FBXO24: variants seen among roughly 807,000 people sequenced by gnomAD.
FBXO24 encodes the protein F-box only protein 24.
In FBXO24, 30 loss-of-function variants were observed where a neutral mutation model predicts 63.5. The ratio of observed to expected loss-of-function variants is 0.47; its 90% CI spans 0.35 to 0.64. FBXO24 has a LOEUF of 0.64. Ranked by LOEUF, FBXO24 falls within the 30% of genes least tolerant of loss-of-function variation. The probability of loss-of-function intolerance (pLI) is 0.00; values close to 1 mark genes in which losing one functional copy is unlikely to be tolerated. For synonymous variants in FBXO24, 300 were observed against 305.0 expected, an observed-to-expected ratio of 0.98 and a Z score of 0.17; for missense variants, 624 against 763.4, an observed-to-expected ratio of 0.82 and a Z score of 2.15.
intron 3 of FBXO24, 29 bp from the exon 4 acceptor site, chr7:100,591,638 T>G (rs770776992): frequency 6.2e-7 from 1 of 1,606,670 alleles, no homozygotes; most frequent in Admixed American, 1.7e-5. Context: ...TCTCATCCCT[T>G]GAACCTTCCA....
At chr7:100,593,363 G>A (rs923062078) in intron 5 of FBXO24, among the ~76,000 whole-genome samples, 15 of 151,936 alleles carry the variant, frequency 9.9e-5, no homozygotes, top group African/African-American at 2.9e-4. Flanking sequence ...CGGGTGCGGC[G>A]GCTCACACCT....
intron 1 of FBXO24, among the ~76,000 whole-genome samples, chr7:100,589,116 C>A (rs1801879535): frequency 6.6e-6 from 1 of 152,136 alleles, no homozygotes; most frequent in African/African-American, 2.4e-5. Flanking sequence ...CGGGCGTTAG[C>A]CACCGGCACC....
At position 100,586,431 on chromosome 7, in the gene FBXO24, GAGGA is replaced by G. The variant is rs1801755359; in HGVS notation, c.-194_-191del. 1.5e-6 allele frequency: 1 copy of G among 658,780 alleles called. No individual in the cohort carries two copies. The allele number at this position is 658,780 out of a possible 1,614,324, so 40.8% of individuals were successfully genotyped here. The stretch of plus-strand genomic sequence containing the variant: ...GGTGGAGCCAATCAGGTCCAACCAA[GAGGA>G]GGGGACACCGGCACTCCACTAGCAG... On this transcript the variant is annotated 5_prime_UTR_variant, in exon 1 of 10. It introduces an in-frame stop codon into an upstream open reading frame of the 5' UTR. Transcript: ENST00000241071.
At chr7:100,595,326 G>T (rs1044346026) in intron 7 of FBXO24, 103 bp downstream of exon 7, 17 of 1,568,320 alleles carry the variant, frequency 1.1e-5, no homozygotes, top group Non-Finnish European at 1.4e-5. Flanking sequence ...AGGGGCAGGG[G>T]ATCCCCAGGG....
chr7:100,588,512 G>A (rs1386350232), intron 1 of FBXO24, among the ~76,000 whole-genome samples: 1 of 152,228 alleles, frequency 6.6e-6, no homozygotes, highest in Non-Finnish European at 1.5e-5. Flanking sequence ...GTCTGGTGCA[G>A]TCAATGAACG....
Position 100,601,007 on chromosome 7 carries a change from G to A in FBXO24, c.*108G>A, listed in dbSNP as rs576069239. ...GCGTGTGGGAAGGGGTTGCTAGGGG[G>A]TGGGGACGGCTAACCAGGGTAAGAA... On this transcript the variant is annotated 3_prime_UTR_variant, in exon 10 of 10. Coordinates refer to ENST00000241071, the MANE Select transcript of FBXO24 (RefSeq NM_033506.3). 2.6e-3 allele frequency: 3,770 copies of A among 1,472,420 alleles called. 6 individuals are homozygous for A. Among genetic ancestry groups the A allele is most frequent in the Non-Finnish European group, 3.1e-3 (3,443 of 1,107,608 alleles). 91.2% of individuals were successfully genotyped at this position (1,472,420 alleles called of 1,614,324 possible). A position where few individuals can be genotyped will look rare whatever the true frequency, so the allele number is the denominator to read the frequency against.
Position 100,594,502 on chromosome 7 carries a change from T to C in FBXO24, c.913T>C (p.Cys305Arg). ...CTACCTGCCTCACCTGCGCGTGGCC[T>C]GCATGACTTCCAACCAGAGCAGCAC... is the stretch of plus-strand genomic sequence containing the variant. Reference protein sequence around the residue: ...SHYLPHLRVACMTSNQSSTLY... With the variant: ...SHYLPHLRVARMTSNQSSTLY... The change falls in exon 6 of 10, where the codon TGC (cysteine) becomes CGC (arginine). Residue 305 changes from cysteine to arginine, a missense_variant. Around this residue, in one of 3 missense-constraint regions of FBXO24, gnomAD observed 391 missense variants for 469.1 expected, o/e 0.83. Coordinates refer to ENST00000241071, the MANE Select transcript of FBXO24 (RefSeq NM_033506.3). This position sits in a 1 kb window ranked among gnomAD's most constrained non-coding sequence, Gnocchi z 4.2. 1 of 1,612,070 alleles carries C rather than the reference T, an allele frequency of 6.2e-7. No individual in the cohort carries two copies. The highest frequency in any genetic ancestry group is 1.1e-5 in the South Asian group (1 of 90,770).
In FBXO24 at chr7:100,594,367, C is replaced by T. The variant is rs1802190360; in HGVS notation, c.794-16C>T. Reference sequence around the variant, plus strand: ...GGAGAATCCCCTCCCCAACTAATTGCTTCCCCTACCCCCAGAGGAAGGAAA... The same window carrying T: ...GGAGAATCCCCTCCCCAACTAATTGTTTCCCCTACCCCCAGAGGAAGGAAA... On this transcript the variant is annotated splice_polypyrimidine_tract_variant and intron_variant, in intron 5 of 9. Transcript: ENST00000241071. This position sits in a 1 kb window ranked among gnomAD's most constrained non-coding sequence, Gnocchi z 4.2. The T allele has an allele frequency of 9.3e-6, 15 of 1,609,926 alleles. No individual in the cohort carries two copies. In the African/African-American group the frequency reaches 1.3e-4, roughly 14 times the overall value.
At position 100,593,109 on chromosome 7, in the gene FBXO24, G is replaced by A. The variant is rs1050091374; in HGVS notation, c.793+92G>A. On this transcript the variant is annotated intron_variant, in intron 5 of 9. Coordinates refer to ENST00000241071, the MANE Select transcript of FBXO24 (RefSeq NM_033506.3). ...AGGGGGAGGGAGGCCCCTCAGACTG[G>A]GTTCCATATGCCACCTTATCCTAGT... 41 of 971,080 alleles carry A rather than the reference G, an allele frequency of 4.2e-5. No individual in the cohort carries two copies. The African/African-American group carries it at 4.5e-4, about 11-fold the overall frequency. 60.2% of individuals were successfully genotyped at this position (971,080 alleles called of 1,614,324 possible). A position where few individuals can be genotyped will look rare whatever the true frequency, so the allele number is the denominator to read the frequency against.
chr7:100,586,625 C>T lies in FBXO24; in HGVS notation c.-1C>T. The T allele has an allele frequency of 4.3e-6, 7 of 1,614,224 alleles. No homozygotes were observed. The highest frequency in any genetic ancestry group is 1.1e-5 in the South Asian group (1 of 91,086). On this transcript the variant is annotated 5_prime_UTR_variant, in exon 1 of 10. Coordinates refer to ENST00000241071, the MANE Select transcript of FBXO24 (RefSeq NM_033506.3). ...GAGGGACGGCTCTACCTACCAATAG[C>T]ATGGGCGAGAAGGCGGTCCCTTTGC...
intron 5 of FBXO24, 196 bp downstream of exon 5, chr7:100,593,213 G>A: frequency 1.8e-6 from 1 of 543,178 alleles, no homozygotes; most frequent in South Asian, 2.0e-5. Context: ...AAAAGGCCCT[G>A]TCCAGGTGTG....
At position 100,601,023 on chromosome 7, in the gene FBXO24, A is replaced by G; in HGVS notation, c.*124A>G. ...TGCTAGGGGGTGGGGACGGCTAACC[A>G]GGGTAAGAATGTTCAGGGGGCTGCC... On this transcript the variant is annotated 3_prime_UTR_variant, in exon 10 of 10. Transcript: ENST00000241071. 7.1e-7 allele frequency: 1 copy of G among 1,402,376 alleles called. No homozygotes were observed. Among genetic ancestry groups the G allele is most frequent in the Non-Finnish European group, 9.5e-7 (1 of 1,053,996 alleles). The allele number at this position is 1,402,376 out of a possible 1,614,324, so 86.9% of individuals were successfully genotyped here.
At chr7:100,599,208 T>G (rs1173402970) in intron 8 of FBXO24, among the ~76,000 whole-genome samples, 4 of 152,134 alleles carry the variant, frequency 2.6e-5, no homozygotes, top group East Asian at 3.9e-4. Context: ...GAGCTATGAT[T>G]GCACCACTGC....
intron 1 of FBXO24, chr7:100,589,535 G>C (rs1314027651): frequency 1.4e-6 from 2 of 1,401,094 alleles, no homozygotes; most frequent in East Asian, 2.6e-5. Context: ...AGGTCACAGT[G>C]GCCAAACAGT....
At chr7:100,589,927 A>G (rs1461602073) in intron 1 of FBXO24, 50 bp from the exon 2 acceptor site, 1 of 1,581,058 alleles carries the variant, frequency 6.3e-7, no homozygotes, top group African/African-American at 1.4e-5. Flanking sequence ...AGAGAAGGGA[A>G]AAAAGGATGT....
chr7:100,596,266 G>A (rs1345981841), intron 8 of FBXO24, among the ~76,000 whole-genome samples: 2 of 152,128 alleles, frequency 1.3e-5, no homozygotes, highest in Non-Finnish European at 2.9e-5. Flanking sequence ...GCCACAGAGC[G>A]AGACTCCGTC....
At chr7:100,599,931 C>G in intron 8 of FBXO24, 100 bp from the exon 9 acceptor site, 1 of 1,346,990 alleles carries the variant, frequency 7.4e-7, no homozygotes, top group Non-Finnish European at 1.0e-6. Flanking sequence ...TCCTCCTCCC[C>G]AGTTCATTCT....
At chr7:100,592,515 T>G (rs1265128947) in intron 4 of FBXO24, among the ~76,000 whole-genome samples, 1 of 152,054 alleles carries the variant, frequency 6.6e-6, no homozygotes, top group Non-Finnish European at 1.5e-5. Flanking sequence ...GCCAATCACC[T>G]CCCACTGGGT....
intron 3 of FBXO24, among the ~76,000 whole-genome samples, chr7:100,591,031 A>ATTTTTTTTT (rs930978218): frequency 1.3e-4 from 11 of 86,680 alleles, no homozygotes; most frequent in Non-Finnish European, 1.5e-4. Context: ...TTTTTCTTTG[A>ATTTTTTTTT]TTTTTTTTTT....
Sources: allele counts gnomAD v4.1 joint callset (sites outside exome capture counted in the v4.1 genomes callset), GRCh38; gene constraint gnomAD v4.1.1; regional missense constraint gnomAD v4.1.1; non-coding constraint Gnocchi (gnomAD v3.1); transcripts MANE v1.5; gene names NCBI Gene and HGNC (gene_info 2026-07-23, HGNC 2026-07-21).